The following DPF2 variants were observed in gnomAD, a reference collection of about 807,000 sequenced individuals.
DPF2 encodes zinc finger protein ubi-d4.
In DPF2, 10 loss-of-function variants were observed where a neutral mutation model predicts 59.6. That is an observed-to-expected ratio of 0.17 (90% CI 0.10 to 0.28). DPF2 has a LOEUF of 0.28. Among genes scored for constraint, DPF2 ranks in the 10% least tolerant of loss-of-function variants. The pLI, the probability that DPF2 is intolerant of heterozygous loss-of-function variation, is 1.00. For missense variants in DPF2, 315 were observed against 509.4 expected, an observed-to-expected ratio of 0.62 and a Z score of 3.67; for synonymous variants, 189 against 190.6, an observed-to-expected ratio of 0.99 and a Z score of 0.07.
chr11:65,345,451 A>G (rs1854500060), intron 6 of DPF2: 3 of 605,676 alleles, frequency 5.0e-6, no homozygotes, highest in East Asian at 2.9e-5. Flanking sequence ...GTTGGAGTTC[A>G]GGAGGGAAAA....
chr11:65,353,289 T>C lies in DPF2; in HGVS notation c.*1530T>C, dbSNP rs1375446603. The C allele has an allele frequency of 6.6e-6, 1 of 152,240 alleles. No individual in the cohort carries two copies. Among genetic ancestry groups the C allele is most frequent in the African/African-American group, 2.4e-5 (1 of 41,468 alleles). 9.4% of individuals were successfully genotyped at this position (152,240 alleles called of 1,614,324 possible). A position where few individuals can be genotyped will look rare whatever the true frequency, so the allele number is the denominator to read the frequency against. ...TTTATGTTTCAGTTGATTTGGAGAA[T>C]TCTCCTAGTCTTGGATACATAGATG... On this transcript the variant is annotated 3_prime_UTR_variant, in exon 11 of 11. Coordinates refer to ENST00000528416, the MANE Select transcript of DPF2 (RefSeq NM_006268.5).
intron 2 of DPF2, 32 bp from the exon 3 acceptor site, chr11:65,340,934 G>C: frequency 6.2e-7 from 1 of 1,605,188 alleles, no homozygotes; most frequent in Non-Finnish European, 8.5e-7. Context: ...TACTGGGTTA[G>C]GGCCTGACTT....
rs1854738954 is a variant in DPF2, at chr11:65,352,481, C to T, written c.*722C>T. ...CTTGGAATTTCTCATCTTCTGCCTC[C>T]CTTCCTACTCCTTTTGGTTTTGTGG... is the stretch of plus-strand genomic sequence containing the variant. On this transcript the variant is annotated 3_prime_UTR_variant, in exon 11 of 11. Coordinates refer to ENST00000528416, the MANE Select transcript of DPF2 (RefSeq NM_006268.5). The T allele has an allele frequency of 6.5e-6, 1 of 152,686 alleles. No individual in the cohort carries two copies. The highest frequency in any genetic ancestry group is 2.4e-5 in the African/African-American group (1 of 41,430). The allele number at this position is 152,686 out of a possible 1,614,324, so 9.5% of individuals were successfully genotyped here.
At chr11:65,348,093 T>G (rs926859745) in intron 9 of DPF2, 1 of 152,344 alleles carries the variant, frequency 6.6e-6, no homozygotes, top group African/African-American at 2.4e-5. Context: ...AAGACCAGCC[T>G]GAGCAACATA....
chr11:65,341,506 C>T lies in DPF2; in HGVS notation c.409C>T (p.Arg137Ter). Reference protein sequence around the residue: ...PLEKRGAPDPRVDDDSLGEFP... With the variant: ...PLEKRGAPDP ...GGAGAAGCGAGGTGCCCCGGATCCC[C>T]GAGTTGATGATGACAGCCTGGGCGA... The change falls in exon 4 of 11, where the codon CGA becomes TGA. Residue 137 changes from arginine to a stop codon, truncating the protein, a stop_gained. Transcript: ENST00000528416. LOFTEE classifies it high-confidence loss of function. The T allele has an allele frequency of 6.2e-7, 1 of 1,614,148 alleles. No individual in the cohort carries two copies.
intron 1 of DPF2, among the ~76,000 whole-genome samples, chr11:65,338,014 T>A (rs1409765022): frequency 6.6e-6 from 1 of 152,272 alleles, no homozygotes; most frequent in East Asian, 1.9e-4. Flanking sequence ...ATGTTGAGGC[T>A]GGTCTCGAAC....
chr11:65,343,695 G>C, intron 4 of DPF2, 50 bp from the exon 5 acceptor site: 1 of 1,544,764 alleles, frequency 6.5e-7, no homozygotes, highest in South Asian at 1.2e-5. Flanking sequence ...TCATAGGGGA[G>C]CTTTTGGATG....
At chr11:65,340,891 C>G in intron 2 of DPF2, 75 bp from the exon 3 acceptor site, 2 of 1,434,100 alleles carry the variant, frequency 1.4e-6, no homozygotes, top group African/African-American at 1.4e-5. Flanking sequence ...GGGGGGCCTA[C>G]TTAATTAGAA....
chr11:65,337,500 T>TAGAGAGAGAG (rs1483370415), intron 1 of DPF2, among the ~76,000 whole-genome samples: 6 of 40,270 alleles, frequency 1.5e-4, no homozygotes, highest in African/African-American at 2.0e-4. Flanking sequence ...TATATATATA[T>TAGAGAGAGAG]ATATAGAGAG....
chr11:65,343,810 C>G lies in DPF2; in HGVS notation c.531C>G (p.Pro177=). The change falls in exon 5 of 11, where the codon CCC becomes CCG. Residue 177 remains proline (P), a synonymous_variant. Coordinates refer to ENST00000528416, the MANE Select transcript of DPF2 (RefSeq NM_006268.5). ...LDDEDYEEDT[P]KRRGKGKSKG... is the part of the protein sequence containing the mutation. ...ATGAAGACTATGAAGAAGATACTCCCAAGCGTCGGGGAAAGGGGAAATCCA... is the reference window on the plus strand; with the variant it reads ...ATGAAGACTATGAAGAAGATACTCCGAAGCGTCGGGGAAAGGGGAAATCCA... 1 of 1,589,916 alleles carries G rather than the reference C, an allele frequency of 6.3e-7. No homozygotes were observed. Among genetic ancestry groups the G allele is most frequent in the Non-Finnish European group, 8.6e-7 (1 of 1,167,652 alleles).
At chr11:65,335,741 G>C (rs1367199775) in intron 1 of DPF2, among the ~76,000 whole-genome samples, 2 of 152,144 alleles carry the variant, frequency 1.3e-5, no homozygotes, top group Non-Finnish European at 2.9e-5. Flanking sequence ...CTTGATTATA[G>C]TGTGCCTAGT....
At chr11:65,349,114 AT>A (rs1294944596) in intron 10 of DPF2, among the ~76,000 whole-genome samples, 183 bp downstream of exon 10, 1 of 152,244 alleles carries the variant, frequency 6.6e-6, no homozygotes, top group Non-Finnish European at 1.5e-5. Flanking sequence ...GTGTTTGCAC[AT>A]TATCAGCTAC....
intron 6 of DPF2, 195 bp from the exon 7 acceptor site, chr11:65,345,471 A>C: frequency 1.5e-6 from 1 of 680,678 alleles, no homozygotes; most frequent in Non-Finnish European, 2.4e-6. Flanking sequence ...AGAGCCCCAG[A>C]AGCTAGAGAG....
At position 65,344,930 on chromosome 11, in the gene DPF2, G is replaced by A. The variant is rs976173272; in HGVS notation, c.638-736G>A. ...TCCCTCCCCAGACCAGGCAGCTGGT[G>A]GTCAGCTCATGTTCCCCACTGCCCC... On this transcript the variant is annotated intron_variant, in intron 6 of 10. Transcript: ENST00000528416. 1.3e-5 allele frequency: 5 copies of A among 371,898 alleles called. No homozygotes were observed. The South Asian group carries it at 2.8e-4, about 21-fold the overall frequency. 23.0% of individuals were successfully genotyped at this position (371,898 alleles called of 1,614,324 possible).
At chr11:65,340,932 T>A (rs1854349136) in intron 2 of DPF2, 34 bp from the exon 3 acceptor site, 1 of 1,603,930 alleles carries the variant, frequency 6.2e-7, no homozygotes. Context: ...AATACTGGGT[T>A]AGGGCCTGAC....
At chr11:65,339,126 C>T (rs145748592) in intron 1 of DPF2, among the ~76,000 whole-genome samples, 6 of 152,098 alleles carry the variant, frequency 3.9e-5, no homozygotes, top group South Asian at 2.1e-4. Flanking sequence ...GATTGATTGA[C>T]GCCAGGTACT....
intron 1 of DPF2, 95 bp downstream of exon 1, chr11:65,334,013 A>C (rs558539950): frequency 1.3e-4 from 201 of 1,534,758 alleles, no homozygotes; most frequent in Non-Finnish European, 1.7e-4. Context: ...GGAGAGAGGG[A>C]CATCCCCGGG....
At chr11:65,347,607 TACAGGCATGAACCC>T (rs1374399906) in intron 9 of DPF2, 10 of 152,284 alleles carry the variant, frequency 6.6e-5, no homozygotes, top group African/African-American at 2.4e-4. Context: ...GTGCTGGGAT[TACAGGCATGAACCC>T]ACCATGTCTG....
intron 1 of DPF2, among the ~76,000 whole-genome samples, chr11:65,337,579 T>G (rs1854236200): frequency 7.0e-6 from 1 of 142,584 alleles, no homozygotes; most frequent in Admixed American, 7.2e-5. Context: ...CATTTCTTGG[T>G]ATCGGAGCCT....
Sources: allele counts gnomAD v4.1 joint callset (sites outside exome capture counted in the v4.1 genomes callset), GRCh38; gene constraint gnomAD v4.1.1; transcripts MANE v1.5; gene names NCBI Gene and HGNC (gene_info 2026-07-23, HGNC 2026-07-21).